The following SCAF8 variants were observed in gnomAD, a reference collection of about 807,000 sequenced individuals.
The protein encoded by SCAF8 is SR-related CTD associated factor 8.
Under a neutral mutation model 140.5 loss-of-function variants are expected in SCAF8, and 23 were observed. The ratio of observed to expected loss-of-function variants is 0.16; its 90% CI spans 0.12 to 0.23. The LOEUF (loss-of-function observed/expected upper bound fraction) is 0.23. Ranked by LOEUF, SCAF8 falls within the 10% of genes least tolerant of loss-of-function variation. The pLI is 1.00. For missense variants in SCAF8, 1,397 were observed against 1,555.7 expected, an observed-to-expected ratio of 0.90 and a Z score of 1.72; for synonymous variants, 575 against 528.9, an observed-to-expected ratio of 1.09 and a Z score of -1.20.
At chr6:154,740,015 G>C (rs1778525745) in intron 1 of SCAF8, among the ~76,000 whole-genome samples, 1 of 152,130 alleles carries the variant, frequency 6.6e-6, no homozygotes, top group African/African-American at 2.4e-5. Context: ...ATCTACCAGG[G>C]AATCTGTCTC....
chr6:154,735,350 AAG>A (rs998887500), intron 1 of SCAF8, among the ~76,000 whole-genome samples: 2 of 152,138 alleles, frequency 1.3e-5, no homozygotes, highest in African/African-American at 2.4e-5. Context: ...TTTCTTTAAA[AAG>A]AAAAACAGTA....
chr6:154,831,120 C>A lies in SCAF8; in HGVS notation c.2339C>A (p.Ser780Tyr). The A allele has an allele frequency of 6.2e-7, 1 of 1,603,846 alleles. No homozygotes were observed. The highest frequency in any genetic ancestry group is 8.5e-7 in the Non-Finnish European group (1 of 1,171,302). ...CATCTTATAGACCACCAGATTTCTT[C>A]TGGTGAAAACACCAGATCAGGTAAA... Reference protein sequence around the residue: ...VPHLIDHQISSGENTRSVIPN... With the variant: ...VPHLIDHQISYGENTRSVIPN... Residue 780 changes from serine (S) to tyrosine (Y), a missense_variant, in exon 19 of 20, where the codon TCT (serine) becomes TAT (tyrosine). This residue lies in a region of SCAF8 where 930 missense variants were observed against 874.6 expected (regional missense o/e 1.06). Coordinates refer to ENST00000367178, the MANE Select transcript of SCAF8 (RefSeq NM_014892.5).
At chr6:154,758,430 A>G (rs930734606) in intron 1 of SCAF8, among the ~76,000 whole-genome samples, 1 of 152,130 alleles carries the variant, frequency 6.6e-6, no homozygotes, top group Non-Finnish European at 1.5e-5. Flanking sequence ...CAGTTAGTCT[A>G]GGAATTGGGC....
At chr6:154,734,647 A>T (rs965669871) in intron 1 of SCAF8, among the ~76,000 whole-genome samples, 17 of 152,218 alleles carry the variant, frequency 1.1e-4, no homozygotes, top group Non-Finnish European at 2.4e-4. Flanking sequence ...GTGTCAAACA[A>T]GATTTTAAAA....
intron 1 of SCAF8, among the ~76,000 whole-genome samples, chr6:154,762,326 A>C (rs1776429450): frequency 6.6e-6 from 1 of 152,142 alleles, no homozygotes; most frequent in South Asian, 2.1e-4. Context: ...CCTCTTCCAA[A>C]TTCATTCAGG....
intron 3 of SCAF8, among the ~76,000 whole-genome samples, chr6:154,778,348 C>A (rs141944759): frequency 6.6e-6 from 1 of 152,076 alleles, no homozygotes; most frequent in Non-Finnish European, 1.5e-5. Flanking sequence ...GAGAAGGGTG[C>A]GGGATTTGAA....
At chr6:154,762,580 GGTAGA>G (rs1379122785) in intron 1 of SCAF8, among the ~76,000 whole-genome samples, 2 of 152,086 alleles carry the variant, frequency 1.3e-5, no homozygotes, top group Non-Finnish European at 2.9e-5. Context: ...GCTTGTACAG[GGTAGA>G]AGTCTTGGGG....
At chr6:154,759,726 T>C (rs1325360744) in intron 1 of SCAF8, among the ~76,000 whole-genome samples, 1 of 147,308 alleles carries the variant, frequency 6.8e-6, no homozygotes, top group East Asian at 2.1e-4. Flanking sequence ...AGTGAAGTGG[T>C]GCGATCTTGG....
In SCAF8 at chr6:154,833,069, G is replaced by A; in HGVS notation, c.3490G>A (p.Asp1164Asn). The A allele has an allele frequency of 6.2e-7, 1 of 1,614,170 alleles. No homozygotes were observed. The highest frequency in any genetic ancestry group is 8.5e-7 in the Non-Finnish European group (1 of 1,180,024). The change falls in exon 20 of 20, where the codon GAC (aspartate) becomes AAC (asparagine). Residue 1164 changes from aspartate to asparagine, a missense_variant. By Grantham distance (23) the Asp-to-Asn change is conservative. Coordinates refer to ENST00000367178, the MANE Select transcript of SCAF8 (RefSeq NM_014892.5). ...CTGGGAGAGGCAAAGGGATAGGGAT[G>A]ACAGAGATTTTGATTTCTGCAGAGA... Reference protein sequence around the residue: ...RPWERQRDRDDRDFDFCREMN... With the variant: ...RPWERQRDRDNRDFDFCREMN...
intron 1 of SCAF8, among the ~76,000 whole-genome samples, chr6:154,741,317 A>G (rs1296155569): frequency 6.6e-6 from 1 of 152,194 alleles, no homozygotes; most frequent in African/African-American, 2.4e-5. Flanking sequence ...ATTTCATTCT[A>G]GACTAGCATT....
intron 3 of SCAF8, among the ~76,000 whole-genome samples, chr6:154,778,811 A>G (rs1459155845): frequency 1.7e-5 from 2 of 116,120 alleles, no homozygotes; most frequent in Admixed American, 8.4e-5. Flanking sequence ...GTGTGTGTGT[A>G]GATAAAACAT....
intron 4 of SCAF8, among the ~76,000 whole-genome samples, chr6:154,788,576 G>A (rs1777322078): frequency 6.6e-6 from 1 of 152,174 alleles, no homozygotes; most frequent in Non-Finnish European, 1.5e-5. Flanking sequence ...GAAGCAATTG[G>A]TGTTAAATAA....
At chr6:154,759,494 T>C (rs1355462459) in intron 1 of SCAF8, among the ~76,000 whole-genome samples, 1 of 152,204 alleles carries the variant, frequency 6.6e-6, no homozygotes, top group Non-Finnish European at 1.5e-5. Flanking sequence ...CATATCCTGC[T>C]TAATAATACA....
chr6:154,784,665 A>T (rs1777199757), intron 3 of SCAF8, among the ~76,000 whole-genome samples: 4 of 152,136 alleles, frequency 2.6e-5, no homozygotes. Context: ...AGTAATCTAG[A>T]GCTGATTTAA....
At chr6:154,792,483 A>T (rs1294560816) in intron 4 of SCAF8, among the ~76,000 whole-genome samples, 1 of 152,210 alleles carries the variant, frequency 6.6e-6, no homozygotes, top group Non-Finnish European at 1.5e-5. Context: ...ACTGAGATGA[A>T]TCCTGGCTCA....
At chr6:154,795,642 C>T (rs1777580047) in intron 6 of SCAF8, among the ~76,000 whole-genome samples, 2 of 152,034 alleles carry the variant, frequency 1.3e-5, no homozygotes. Flanking sequence ...CTAGTCATGG[C>T]AGGACAGGAG....
chr6:154,822,427 G>T lies in SCAF8; in HGVS notation c.1926+18G>T, dbSNP rs555133536. ...TGTTGCAGGTTAGTGTTGAAGTGGG[G>T]TTTTTTTTTTCTTGTGTTGTTTTAC... On this transcript the variant is annotated intron_variant, in intron 16 of 19. Coordinates refer to ENST00000367178, the MANE Select transcript of SCAF8 (RefSeq NM_014892.5). 165 of 1,436,182 alleles carry T rather than the reference G, an allele frequency of 1.1e-4. No homozygotes were observed. The highest frequency in any genetic ancestry group is 2.9e-4 in the African/African-American group (20 of 68,216). The allele number at this position is 1,436,182 out of a possible 1,614,324, so 89.0% of individuals were successfully genotyped here. A position where few individuals can be genotyped will look rare whatever the true frequency, so the allele number is the denominator to read the frequency against.
chr6:154,783,929 C>T (rs532402430), intron 3 of SCAF8, among the ~76,000 whole-genome samples: 202 of 151,676 alleles, frequency 1.3e-3, no homozygotes, highest in African/African-American at 4.8e-3. Context: ...TAGGCAGGCG[C>T]GGTAGCACAT....
intron 6 of SCAF8, among the ~76,000 whole-genome samples, chr6:154,797,426 C>T (rs1265156342): frequency 1.3e-5 from 2 of 151,252 alleles, no homozygotes; most frequent in African/African-American, 4.8e-5. Flanking sequence ...GACGGAGTCT[C>T]GCTGTGTCAC....
Sources: allele counts gnomAD v4.1 joint callset (sites outside exome capture counted in the v4.1 genomes callset), GRCh38; gene constraint gnomAD v4.1.1; regional missense constraint gnomAD v4.1.1; transcripts MANE v1.5; gene names NCBI Gene and HGNC (gene_info 2026-07-23, HGNC 2026-07-21).